The following EDEM3 variants were observed in gnomAD, a reference collection of about 807,000 sequenced individuals.
The protein encoded by EDEM3 is ER degradation-enhancing alpha-mannosidase-like protein 3.
In EDEM3, 60 loss-of-function variants were observed where a neutral mutation model predicts 110.2. The observed-to-expected ratio is 0.54, with a 90% CI of 0.44 to 0.67. The LOEUF is 0.67. EDEM3 is among the 30% of genes least tolerant of loss of function. The probability of loss-of-function intolerance (pLI) is 0.00; values close to 1 mark genes in which losing one functional copy is unlikely to be tolerated. For synonymous variants in EDEM3, 352 were observed against 382.9 expected (o/e 0.92, Z 0.94); for missense variants, 996 against 1,121.0 (o/e 0.89, Z 1.59).
chr1:184,698,508 T>G (rs1028410778), intron 19 of EDEM3, among the ~76,000 whole-genome samples: 2 of 151,856 alleles, frequency 1.3e-5, no homozygotes, highest in African/African-American at 4.8e-5. Context: ...GCTTTAACTG[T>G]AAAAGGCAAG....
At chr1:184,747,338 C>T (rs1295048742) in intron 2 of EDEM3, among the ~76,000 whole-genome samples, 1 of 152,188 alleles carries the variant, frequency 6.6e-6, no homozygotes. Context: ...TTTTACCCTA[C>T]AGAAAGCTAA....
At chr1:184,728,900 G>A (rs986181315) in intron 6 of EDEM3, among the ~76,000 whole-genome samples, 3 of 152,066 alleles carry the variant, frequency 2.0e-5, no homozygotes, top group Admixed American at 6.6e-5. Flanking sequence ...GAGCCACTGC[G>A]CCCAGCCAGT....
intron 6 of EDEM3, among the ~76,000 whole-genome samples, chr1:184,729,466 G>A (rs768231911): frequency 6.6e-6 from 1 of 152,104 alleles, no homozygotes; most frequent in East Asian, 1.9e-4. Flanking sequence ...CTGGCAAGTT[G>A]CTTTTAATTA....
chr1:184,732,194 A>C (rs1433310333), intron 6 of EDEM3, among the ~76,000 whole-genome samples: 1 of 152,110 alleles, frequency 6.6e-6, no homozygotes, highest in Non-Finnish European at 1.5e-5. Flanking sequence ...AAAAAAAAGA[A>C]ATAAGCCAGG....
chr1:184,727,003 C>T (rs984452018), intron 6 of EDEM3, among the ~76,000 whole-genome samples: 5 of 152,078 alleles, frequency 3.3e-5, no homozygotes, highest in African/African-American at 9.7e-5. Context: ...TGGAAGACAA[C>T]CAAATAGGCC....
In EDEM3 at chr1:184,702,930, GT is replaced by G; in HGVS notation, c.2269del (p.Thr757GlnfsTer29). 6.2e-7 allele frequency: 1 copy of G among 1,613,384 alleles called. No individual in the cohort carries two copies. Among genetic ancestry groups the G allele is most frequent in the South Asian group, 1.1e-5 (1 of 91,044 alleles). ...LFQMAGDGKD[T>X]DDIKIPMLFL... is the part of the protein sequence containing the mutation. ...CAGCATGGGGATCTTGATGTCATCT[GT>G]ATCCTTTCCATCACCTGCCATCTGG... On this transcript the variant is annotated frameshift_variant, in exon 19 of 20. Transcript: ENST00000318130. LOFTEE classifies it high-confidence loss of function.
intron 2 of EDEM3, among the ~76,000 whole-genome samples, chr1:184,745,436 C>T (rs967514042): frequency 1.3e-5 from 2 of 151,726 alleles, no homozygotes; most frequent in African/African-American, 2.4e-5. Context: ...AGAGAAACAC[C>T]GAGTACAGAG....
intron 19 of EDEM3, among the ~76,000 whole-genome samples, chr1:184,700,663 C>T (rs529500316): frequency 1.3e-5 from 2 of 151,946 alleles, no homozygotes; most frequent in Non-Finnish European, 2.9e-5. Context: ...GCCAACACTT[C>T]TAACAAGTGT....
At chr1:184,751,914 T>C (rs771984450) in intron 1 of EDEM3, among the ~76,000 whole-genome samples, 105 of 152,150 alleles carry the variant, frequency 6.9e-4, no homozygotes, top group Admixed American at 1.9e-3. Context: ...CCACCACACC[T>C]GGCTAATTTT....
chr1:184,742,536 G>A (rs1652200673), intron 2 of EDEM3, among the ~76,000 whole-genome samples: 1 of 152,120 alleles, frequency 6.6e-6, no homozygotes, highest in Non-Finnish European at 1.5e-5. Flanking sequence ...GATTACAGGT[G>A]TGCGCCACCA....
intron 19 of EDEM3, among the ~76,000 whole-genome samples, chr1:184,695,185 G>A (rs1649265048): frequency 6.6e-6 from 1 of 151,996 alleles, no homozygotes; most frequent in African/African-American, 2.4e-5. Flanking sequence ...ACAAGAAAGT[G>A]CTTAAATAGC....
chr1:184,737,211 C>G (rs753277814), intron 3 of EDEM3, 147 bp from the exon 4 acceptor site: 203 of 667,242 alleles, frequency 3.0e-4, no homozygotes, highest in Non-Finnish European at 5.1e-5. Context: ...ACCTATAAGG[C>G]TCTGAAAGAA....
chr1:184,715,343 C>G (rs1181626220), intron 13 of EDEM3, among the ~76,000 whole-genome samples: 1 of 152,204 alleles, frequency 6.6e-6, no homozygotes, highest in African/African-American at 2.4e-5. Context: ...ATGTCTTCCT[C>G]TGCAATTCTT....
In EDEM3 at chr1:184,711,875, G is replaced by A. The variant is rs762957340; in HGVS notation, c.1539C>T (p.Thr513=). The A allele has an allele frequency of 3.8e-6, 6 of 1,586,520 alleles. No homozygotes were observed. In the African/African-American group the frequency reaches 8.2e-5, roughly 22 times the overall value. Reference sequence around the variant, plus strand: ...TGTCATCCAGTTCTGTATATTCCGAGGTCTACAAGAGAAAAACATTTTATG... The same window carrying A: ...TGTCATCCAGTTCTGTATATTCCGAAGTCTACAAGAGAAAAACATTTTATG... The part of the protein sequence containing the change: ...TNQSISKKNT[T]SEYTELDDSN... The change falls in exon 15 of 20, where the codon ACC becomes ACT. Residue 513 remains threonine (T), a splice_region_variant and synonymous_variant. Coordinates refer to ENST00000318130, the MANE Select transcript of EDEM3 (RefSeq NM_025191.4).
chr1:184,754,601 G>T lies in EDEM3; in HGVS notation c.46C>A (p.Arg16=), dbSNP rs1170891330. 1 of 1,609,630 alleles carries T rather than the reference G, an allele frequency of 6.2e-7. No individual in the cohort carries two copies. The highest frequency in any genetic ancestry group is 8.5e-7 in the Non-Finnish European group (1 of 1,178,398). ...GCCGCCACTAGTCTCCATCGCGCTC[G>T]CTGGGGAACCGGGGACCCACAGCCC... is the stretch of plus-strand genomic sequence containing the variant. ...GRGCGSPVPQ[R]ARWRLVAATA... is the part of the protein sequence containing the mutation. The change falls in exon 1 of 20, where the codon CGA becomes AGA. Residue 16 remains arginine, a synonymous_variant. Transcript: ENST00000318130.
intron 19 of EDEM3, among the ~76,000 whole-genome samples, chr1:184,697,352 T>G (rs529847048): frequency 2.6e-5 from 4 of 152,008 alleles, no homozygotes; most frequent in South Asian, 4.1e-4. Context: ...ACTTCTTGTT[T>G]TCGTTTTAGA....
chr1:184,734,363 G>A (rs1166556454), intron 5 of EDEM3, among the ~76,000 whole-genome samples, 168 bp downstream of exon 5: 3 of 152,084 alleles, frequency 2.0e-5, no homozygotes, highest in Admixed American at 6.6e-5. Flanking sequence ...CAGCTACTCA[G>A]GAGGCTTAGA....
intron 16 of EDEM3, among the ~76,000 whole-genome samples, chr1:184,709,639 A>C (rs779985204): frequency 6.6e-6 from 1 of 152,234 alleles, no homozygotes; most frequent in Non-Finnish European, 1.5e-5. Flanking sequence ...AAGTAAAAGC[A>C]ATGTCACAAG....
chr1:184,728,555 G>A lies in EDEM3; in HGVS notation c.613-2166C>T, dbSNP rs893315362. Among the ~76,000 whole-genome samples the A allele has an allele frequency of 3.3e-5, 5 of 151,736 alleles. No individual in the cohort carries two copies. The South Asian group carries it at 1.0e-3, about 31-fold the overall frequency. On this transcript the variant is annotated intron_variant, in intron 6 of 19. Transcript: ENST00000318130. ...ATTAACACAATTATCTATAGTATCTGCTCATTTAAATCTTGTATCCTTCCT... is the reference window on the plus strand; with the variant it reads ...ATTAACACAATTATCTATAGTATCTACTCATTTAAATCTTGTATCCTTCCT...
Sources: allele counts gnomAD v4.1 joint callset (sites outside exome capture counted in the v4.1 genomes callset), GRCh38; gene constraint gnomAD v4.1.1; transcripts MANE v1.5; gene names NCBI Gene and HGNC (gene_info 2026-07-23, HGNC 2026-07-21).